ELAPOR2: variants seen among roughly 807,000 people sequenced by gnomAD.
The protein encoded by ELAPOR2 is endosome/lysosome-associated apoptosis and autophagy regulator family member 2.
Under a neutral mutation model 120.7 loss-of-function variants are expected in ELAPOR2, and 89 were observed. The ratio of observed to expected loss-of-function variants is 0.74; its 90% CI spans 0.62 to 0.88. The LOEUF (loss-of-function observed/expected upper bound fraction) is 0.88. ELAPOR2 is among the 40% of genes least tolerant of loss of function. The pLI is 0.00. For missense variants in ELAPOR2, 1,134 were observed against 1,251.6 expected (o/e 0.91, Z 1.42); for synonymous variants, 444 against 444.9 (o/e 1.00, Z 0.03).
chr7:86,916,360 C>T (rs1163446293), intron 12 of ELAPOR2, among the ~76,000 whole-genome samples: 1 of 151,916 alleles, frequency 6.6e-6, no homozygotes, highest in Non-Finnish European at 1.5e-5. Flanking sequence ...GTTCATCAGA[C>T]AAAACAGCAA....
At chr7:86,934,322 C>T (rs11976876) in intron 8 of ELAPOR2, among the ~76,000 whole-genome samples, 28,898 of 151,888 alleles carry the variant, frequency 0.19, 4,040 homozygotes, top group African/African-American at 0.4. Flanking sequence ...ATGTAGTAAG[C>T]CCCACAAATA....
chr7:86,975,291 A>G (rs1482463813), intron 1 of ELAPOR2, among the ~76,000 whole-genome samples: 2 of 152,218 alleles, frequency 1.3e-5, no homozygotes, highest in African/African-American at 2.4e-5. Flanking sequence ...CAGAAATAGT[A>G]TAAGTGATAA....
At chr7:86,945,649 G>A (rs1790968492) in intron 3 of ELAPOR2, among the ~76,000 whole-genome samples, 1 of 152,082 alleles carries the variant, frequency 6.6e-6, no homozygotes, top group Non-Finnish European at 1.5e-5. Flanking sequence ...GAAGATAAGG[G>A]TATAGATGTA....
intron 21 of ELAPOR2, among the ~76,000 whole-genome samples, chr7:86,883,859 T>G (rs1329674263): frequency 6.6e-6 from 1 of 152,190 alleles, no homozygotes; most frequent in Non-Finnish European, 1.5e-5. Flanking sequence ...CATTAAATTG[T>G]ATATTTGTAA....
intron 1 of ELAPOR2, among the ~76,000 whole-genome samples, chr7:87,016,606 T>G (rs1793874098): frequency 6.6e-6 from 1 of 151,024 alleles, no homozygotes; most frequent in South Asian, 2.1e-4. Flanking sequence ...ATGTAAGAAC[T>G]GACCATACTG....
In ELAPOR2 at chr7:86,938,170, T is replaced by C. The variant is rs1584372431; in HGVS notation, c.1045A>G (p.Lys349Glu). Residue 349 changes from lysine (K) to glutamate (E), a missense_variant, in exon 8 of 22, where the codon AAA (lysine) becomes GAA (glutamate). This residue lies in a region of ELAPOR2 where 831 missense variants were observed against 867.6 expected (regional missense o/e 0.96). Coordinates refer to ENST00000450689, the MANE Select transcript of ELAPOR2 (RefSeq NM_001142749.3). ...GGAGTATGGATCTGGAAATAGTCTT[T>C]TGTGGTACAGGGAGGGCGCTCTGTA... ...ECTERPPCTT[K>E]DYFQIHTPCD... 4 of 1,552,500 alleles carry C rather than the reference T, an allele frequency of 2.6e-6. No individual in the cohort carries two copies. The highest frequency in any genetic ancestry group is 3.5e-6 in the Non-Finnish European group (4 of 1,146,702).
Position 86,912,928 on chromosome 7 carries a change from C to T in ELAPOR2, c.1995+13G>A. Reference sequence around the variant, plus strand: ...TGCTTTCATGGGGATACCTGAAATGCAGACCCACTTACCTGATTGTTTTTA... The same window carrying T: ...TGCTTTCATGGGGATACCTGAAATGTAGACCCACTTACCTGATTGTTTTTA... On this transcript the variant is annotated intron_variant, in intron 14 of 21. Transcript: ENST00000450689. The T allele has an allele frequency of 1.9e-6, 3 of 1,611,158 alleles. No homozygotes were observed. Among genetic ancestry groups the T allele is most frequent in the Non-Finnish European group, 2.5e-6 (3 of 1,177,656 alleles).
In ELAPOR2 at chr7:86,913,328, G is replaced by A. The variant is rs959746566; in HGVS notation, c.1732-124C>T. 3.3e-5 allele frequency: 30 copies of A among 901,274 alleles called. No homozygotes were observed. In the African/African-American group the frequency reaches 4.2e-4, roughly 13 times the overall value. The allele number at this position is 901,274 out of a possible 1,614,324, so 55.8% of individuals were successfully genotyped here. A position where few individuals can be genotyped will look rare whatever the true frequency, so the allele number is the denominator to read the frequency against. On this transcript the variant is annotated intron_variant, in intron 13 of 21. Transcript: ENST00000450689. Reference sequence around the variant, plus strand: ...TGTTCCAGCCTAATAGTTTGTAATTGACAATAGATTAATATCACTGCTATT... The same window carrying A: ...TGTTCCAGCCTAATAGTTTGTAATTAACAATAGATTAATATCACTGCTATT...
intron 21 of ELAPOR2, among the ~76,000 whole-genome samples, chr7:86,884,254 CT>C (rs1799582735): frequency 6.6e-6 from 1 of 152,122 alleles, no homozygotes; most frequent in Admixed American, 6.6e-5. Flanking sequence ...TGAGTACTGA[CT>C]GGGAAATGGG....
At chr7:87,011,282 A>AAATACACCACCAC (rs1793670021) in intron 1 of ELAPOR2, among the ~76,000 whole-genome samples, 1 of 151,668 alleles carries the variant, frequency 6.6e-6, no homozygotes, top group African/African-American at 2.4e-5. Flanking sequence ...AAGAAAAAGA[A>AAATACACCACCAC]AATACACCAC....
At chr7:86,961,761 T>C (rs1791717443) in intron 2 of ELAPOR2, among the ~76,000 whole-genome samples, 1 of 152,160 alleles carries the variant, frequency 6.6e-6, no homozygotes, top group Admixed American at 6.5e-5. Flanking sequence ...CAAAGAGTGT[T>C]GTGGTTCAGG....
At chr7:87,037,937 T>A (rs1794641456) in intron 1 of ELAPOR2, among the ~76,000 whole-genome samples, 1 of 152,214 alleles carries the variant, frequency 6.6e-6, no homozygotes, top group East Asian at 1.9e-4. Context: ...TTGCCTCTTC[T>A]CTGTGCTTCT....
At chr7:86,975,956 C>A (rs1792270435) in intron 1 of ELAPOR2, among the ~76,000 whole-genome samples, 1 of 152,146 alleles carries the variant, frequency 6.6e-6, no homozygotes, top group Non-Finnish European at 1.5e-5. Context: ...GCCCATTTTT[C>A]TGGCCAGAAG....
intron 1 of ELAPOR2, among the ~76,000 whole-genome samples, chr7:86,974,698 T>A (rs1351609354): frequency 6.6e-6 from 1 of 152,024 alleles, no homozygotes; most frequent in Non-Finnish European, 1.5e-5. Flanking sequence ...ACTATCTTTA[T>A]TCTATATAAT....
intron 8 of ELAPOR2, among the ~76,000 whole-genome samples, chr7:86,933,506 A>C (rs1790423345): frequency 6.6e-6 from 1 of 151,924 alleles, no homozygotes; most frequent in Non-Finnish European, 1.5e-5. Context: ...GTTTCGTTAT[A>C]ATCTCACAAT....
intron 1 of ELAPOR2, among the ~76,000 whole-genome samples, chr7:86,987,190 T>C (rs1224001182): frequency 6.6e-6 from 1 of 152,158 alleles, no homozygotes; most frequent in Non-Finnish European, 1.5e-5. Flanking sequence ...TATACAAAAA[T>C]TAATTCAAGA....
chr7:86,938,061 G>T, intron 8 of ELAPOR2, 65 bp downstream of exon 8: 1 of 1,190,172 alleles, frequency 8.4e-7, no homozygotes, highest in Non-Finnish European at 1.2e-6. Flanking sequence ...ACAAATTAGA[G>T]TCTGCTCAAA....
At chr7:86,965,079 T>C in intron 1 of ELAPOR2, 55 bp from the exon 2 acceptor site, 1 of 1,542,230 alleles carries the variant, frequency 6.5e-7, no homozygotes, top group Non-Finnish European at 8.8e-7. Flanking sequence ...ACGGGACAAC[T>C]GTGCTTTCTC....
intron 18 of ELAPOR2, among the ~76,000 whole-genome samples, chr7:86,907,128 G>A (rs1274320941): frequency 1.3e-5 from 2 of 152,038 alleles, no homozygotes; most frequent in Non-Finnish European, 1.5e-5. Flanking sequence ...GTTAAATGAA[G>A]CACATTATGT....
Sources: allele counts gnomAD v4.1 joint callset (sites outside exome capture counted in the v4.1 genomes callset), GRCh38; gene constraint gnomAD v4.1.1; regional missense constraint gnomAD v4.1.1; transcripts MANE v1.5; gene names NCBI Gene and HGNC (gene_info 2026-07-23, HGNC 2026-07-21).